Variants in SMARCC1 observed in about 807,000 individuals in gnomAD.
The protein encoded by SMARCC1 is SWI/SNF related BAF chromatin remodeling complex subunit C1, also known as SWI/SNF complex subunit SMARCC1.
A neutral mutation model predicts 147.4 loss-of-function variants in SMARCC1; 43 were observed. The ratio of observed to expected loss-of-function variants is 0.29; its 90% CI spans 0.23 to 0.38. SMARCC1 has a LOEUF of 0.38. Among genes scored for constraint, SMARCC1 ranks in the 10% least tolerant of loss-of-function variants. The pLI is 1.00. For missense variants in SMARCC1, 1,119 were observed against 1,381.1 expected (o/e 0.81, Z 3.01); for synonymous variants, 495 against 484.4 (o/e 1.02, Z -0.29).
intron 24 of SMARCC1, among the ~76,000 whole-genome samples, chr3:47,633,301 C>G (rs906731263): frequency 6.6e-6 from 1 of 152,104 alleles, no homozygotes; most frequent in Non-Finnish European, 1.5e-5. Context: ...TGAACATTAG[C>G]AGGTGATCTA....
At chr3:47,778,608 C>T (rs1424911630) in intron 1 of SMARCC1, among the ~76,000 whole-genome samples, 1 of 152,182 alleles carries the variant, frequency 6.6e-6, no homozygotes, top group Non-Finnish European at 1.5e-5. Context: ...CAAGCCACTG[C>T]ACCTGGCCCA....
chr3:47,633,673 G>A (rs1172453262), intron 24 of SMARCC1, among the ~76,000 whole-genome samples: 2 of 149,270 alleles, frequency 1.3e-5, no homozygotes, highest in Admixed American at 6.8e-5. Context: ...GAACCCAGGA[G>A]GCGGAGGTTG....
rs561905150 is a variant in SMARCC1 at position 47,600,705 on chromosome 3, T to G, written c.3043+9361A>C. 2.6e-5 allele frequency among the ~76,000 whole-genome samples: 4 copies of G among 152,270 alleles called. No individual in the cohort carries two copies. In the South Asian group the frequency reaches 8.3e-4, roughly 32 times the overall value. ...GGATGAAATCTGAAATGGGGTAGAA[T>G]TTAAGAAGACTCAGGAGAAGACAAA... On this transcript the variant is annotated intron_variant, in intron 26 of 27. Coordinates refer to ENST00000254480, the MANE Select transcript of SMARCC1 (RefSeq NM_003074.4).
In SMARCC1 at chr3:47,667,093, C is replaced by T. The variant is rs754813552; in HGVS notation, c.1899+3565G>A. 3.3e-5 allele frequency among the ~76,000 whole-genome samples: 5 copies of T among 151,564 alleles called. No homozygotes were observed. In the South Asian group the frequency reaches 6.2e-4, roughly 19 times the overall value. On this transcript the variant is annotated intron_variant, in intron 19 of 27. Coordinates refer to ENST00000254480, the MANE Select transcript of SMARCC1 (RefSeq NM_003074.4). ...AGCACTTTGGGATGCTGAGGTGGGC[C>T]GATCACGAGGTCAGGAGATCGAGAC...
At chr3:47,781,515 G>A (rs1576441329) in intron 1 of SMARCC1, 88 bp downstream of exon 1, 6 of 921,106 alleles carry the variant, frequency 6.5e-6, no homozygotes, top group Non-Finnish European at 9.0e-6. Context: ...CGTGCGGGGG[G>A]GAGGGGCGGC....
rs1390882527 is a variant in SMARCC1, at chr3:47,652,856, T to G, written c.2320+8438A>C. On this transcript the variant is annotated intron_variant, in intron 21 of 27. Transcript: ENST00000254480. ...GATGGACTGAAGAAGACCCTTCTCA[T>G]AAGAAAACACTCATTTCCTAAATAA... Among the ~76,000 whole-genome samples, 4 of 151,862 alleles carry G rather than the reference T, an allele frequency of 2.6e-5. No homozygotes were observed. In the East Asian group the frequency reaches 7.8e-4, roughly 29 times the overall value.
intron 26 of SMARCC1, among the ~76,000 whole-genome samples, chr3:47,609,292 C>G (rs577676280): frequency 9.2e-5 from 14 of 152,132 alleles, no homozygotes; most frequent in African/African-American, 3.1e-4. Context: ...GTCAGGAGAT[C>G]GAGACCATCC....
intron 13 of SMARCC1, among the ~76,000 whole-genome samples, chr3:47,686,373 T>C (rs2033723609): frequency 6.6e-6 from 1 of 152,160 alleles, no homozygotes; most frequent in South Asian, 2.1e-4. Flanking sequence ...TTGTTGCTCA[T>C]TTATGATGAT....
In SMARCC1 at chr3:47,680,466, A is replaced by G. The variant is rs775473307; in HGVS notation, c.1428T>C (p.Asn476=). 14 of 1,609,908 alleles carry G rather than the reference A, an allele frequency of 8.7e-6. No homozygotes were observed. Among genetic ancestry groups the G allele is most frequent in the Non-Finnish European group, 1.2e-5 (14 of 1,177,900 alleles). ...CTGGAGTCTTGGATTTGTTTTTTCC[A>G]TTGAAGAACTCAGGAAGAGCACGCC... The part of the protein sequence containing the change: ...IERRALPEFF[N]GKNKSKTPEI... The change falls in exon 15 of 28, where the codon AAT becomes AAC. Residue 476 remains asparagine, a synonymous_variant. Transcript: ENST00000254480.
At chr3:47,633,998 G>T (rs1395041159) in intron 24 of SMARCC1, among the ~76,000 whole-genome samples, 4 of 151,822 alleles carry the variant, frequency 2.6e-5, no homozygotes, top group African/African-American at 9.7e-5. Flanking sequence ...CCGGACAAAT[G>T]GTGAAAAAGA....
At chr3:47,696,295 A>C (rs2033851158) in intron 11 of SMARCC1, among the ~76,000 whole-genome samples, 1 of 151,856 alleles carries the variant, frequency 6.6e-6, no homozygotes, top group Admixed American at 6.6e-5. Context: ...AATCACTAGA[A>C]TCCTGGGGGC....
At chr3:47,591,994 T>C (rs1033198278) in intron 26 of SMARCC1, among the ~76,000 whole-genome samples, 3 of 152,208 alleles carry the variant, frequency 2.0e-5, no homozygotes, top group Admixed American at 2.0e-4. Context: ...TTACTATCTA[T>C]GTAAGGACAA....
chr3:47,603,742 T>C, intron 26 of SMARCC1: 1 of 280,188 alleles, frequency 3.6e-6, no homozygotes, highest in East Asian at 9.3e-5. Flanking sequence ...ATGCTGTGTA[T>C]TTCATTAAGA....
intron 26 of SMARCC1, among the ~76,000 whole-genome samples, chr3:47,598,890 G>GAGACAA (rs1473792719): frequency 7.6e-6 from 1 of 130,824 alleles, no homozygotes; most frequent in African/African-American, 2.9e-5. Context: ...CACACACACA[G>GAGACAA]AGACAAAGAC....
At chr3:47,645,294 C>G (rs1234204287) in intron 21 of SMARCC1, among the ~76,000 whole-genome samples, 2 of 147,060 alleles carry the variant, frequency 1.4e-5, no homozygotes, top group South Asian at 2.1e-4. Context: ...CTGTCCCCCC[C>G]ACCAAAAAAA....
At chr3:47,718,234 C>A (rs546678902) in intron 7 of SMARCC1, among the ~76,000 whole-genome samples, 1 of 150,814 alleles carries the variant, frequency 6.6e-6, no homozygotes, top group South Asian at 2.1e-4. Flanking sequence ...CACCTGAGGT[C>A]AGGAGTTTGA....
rs372133819 is a variant in SMARCC1, at chr3:47,591,554, C to CT, written c.3044-718dup. 9.4e-3 allele frequency among the ~76,000 whole-genome samples: 1,389 copies of CT among 148,004 alleles called. 15 individuals are homozygous for CT. The highest frequency in any genetic ancestry group is 0.026 in the African/African-American group (1,069 of 40,562). ...TTCCTTTCCTTTTGTTTGTTTCTTTCTTTTTTTTTTGACAGTCTCACTGTG... is the reference window on the plus strand; with the variant it reads ...TTCCTTTCCTTTTGTTTGTTTCTTTCTTTTTTTTTTTGACAGTCTCACTGTG... On this transcript the variant is annotated intron_variant, in intron 26 of 27. Transcript: ENST00000254480.
intron 2 of SMARCC1, among the ~76,000 whole-genome samples, chr3:47,763,168 CCT>C (rs2034794309): frequency 6.6e-6 from 1 of 151,666 alleles, no homozygotes; most frequent in African/African-American, 2.4e-5. Flanking sequence ...TCTTTCTTTT[CCT>C]CTTTTTTATT....
At chr3:47,764,962 A>G (rs968282707) in intron 2 of SMARCC1, among the ~76,000 whole-genome samples, 5 of 152,230 alleles carry the variant, frequency 3.3e-5, no homozygotes, top group Non-Finnish European at 7.3e-5. Flanking sequence ...TATAAAGAAA[A>G]GCAAGGAGGC....
Sources: gnomAD v4.1 joint callset for allele counts (sites outside exome capture counted in the v4.1 genomes callset) on GRCh38, gnomAD v4.1.1 for gene constraint, MANE v1.5 for transcripts, NCBI Gene and HGNC (gene_info 2026-07-23, HGNC 2026-07-21) for gene names.